The following CDK14 variants were observed in gnomAD, a reference collection of about 807,000 sequenced individuals.
CDK14 encodes cyclin dependent kinase 14, also known as cyclin-dependent kinase 14.
Under a neutral mutation model 60.7 loss-of-function variants are expected in CDK14, and 34 were observed. The ratio of observed to expected loss-of-function variants is 0.56; its 90% CI spans 0.43 to 0.75. The LOEUF is 0.75. Among genes scored for constraint, CDK14 ranks in the 30% least tolerant of loss-of-function variants. The probability of loss-of-function intolerance (pLI) is 0.00; values close to 1 mark genes in which losing one functional copy is unlikely to be tolerated. For synonymous variants in CDK14, 197 were observed against 203.7 expected (o/e 0.97, Z 0.28); for missense variants, 482 against 564.1 (o/e 0.85, Z 1.47).
At chr7:90,619,616 G>GT (rs879523333) in intron 2 of CDK14, among the ~76,000 whole-genome samples, 1 of 152,098 alleles carries the variant, frequency 6.6e-6, no homozygotes, top group Non-Finnish European at 1.5e-5. Context: ...ATTTCTGTTG[G>GT]TTTTTTAAAG....
intron 3 of CDK14, among the ~76,000 whole-genome samples, chr7:90,731,678 G>A: frequency 6.6e-6 from 1 of 152,232 alleles, no homozygotes; most frequent in East Asian, 1.9e-4. Flanking sequence ...TGTGATTTTT[G>A]CACATTGATT....
At chr7:90,894,706 G>T (rs1200551711) in intron 6 of CDK14, among the ~76,000 whole-genome samples, 1 of 152,176 alleles carries the variant, frequency 6.6e-6, no homozygotes, top group Non-Finnish European at 1.5e-5. Context: ...AGCTGTGTGA[G>T]TGTAGAGTTC....
intron 14 of CDK14, among the ~76,000 whole-genome samples, chr7:91,135,429 T>C (rs1034154936): frequency 6.6e-6 from 1 of 152,018 alleles, no homozygotes; most frequent in Admixed American, 6.6e-5. Flanking sequence ...GTGAAAGATA[T>C]TGAATTGGAA....
intron 8 of CDK14, among the ~76,000 whole-genome samples, chr7:90,929,994 T>C (rs567362672): frequency 1.3e-5 from 2 of 152,342 alleles, no homozygotes; most frequent in Admixed American, 6.5e-5. Flanking sequence ...ACATGTAAAA[T>C]GGCATATTGA....
intron 3 of CDK14, among the ~76,000 whole-genome samples, chr7:90,728,027 A>G (rs907830654): frequency 6.6e-6 from 1 of 152,118 alleles, no homozygotes; most frequent in South Asian, 2.1e-4. Context: ...CTTGATTAAT[A>G]ATCTGGCCAA....
At chr7:90,829,134 G>A (rs1032214298) in intron 5 of CDK14, among the ~76,000 whole-genome samples, 3 of 152,036 alleles carry the variant, frequency 2.0e-5, no homozygotes, top group African/African-American at 7.2e-5. Context: ...CAGCATGAGG[G>A]AAACTACCCC....
chr7:90,866,233 TAC>T (rs3038210), intron 6 of CDK14, among the ~76,000 whole-genome samples: 23,048 of 140,216 alleles, frequency 0.16, 1,990 homozygotes, highest in East Asian at 0.37. Context: ...CACATACACA[TAC>T]ACACACACAC....
At chr7:90,974,959 A>G (rs1038918989) in intron 9 of CDK14, among the ~76,000 whole-genome samples, 4 of 152,192 alleles carry the variant, frequency 2.6e-5, no homozygotes, top group Admixed American at 6.6e-5. Flanking sequence ...CATAACCCCT[A>G]TCAATCATTT....
At chr7:90,661,664 C>T (rs145013912) in intron 2 of CDK14, among the ~76,000 whole-genome samples, 2,575 of 152,204 alleles carry the variant, frequency 0.017, 26 homozygotes, top group Middle Eastern at 0.041. Context: ...TAGTTTTTAA[C>T]GGGTTTCTAA....
chr7:90,788,090 A>G (rs1311097020), intron 4 of CDK14, among the ~76,000 whole-genome samples: 1 of 152,216 alleles, frequency 6.6e-6, no homozygotes, highest in Non-Finnish European at 1.5e-5. Flanking sequence ...AACTCAGTTC[A>G]CAATACGTGA....
At chr7:91,173,286 A>G (rs1801587602) in intron 14 of CDK14, among the ~76,000 whole-genome samples, 1 of 152,192 alleles carries the variant, frequency 6.6e-6, no homozygotes, top group East Asian at 1.9e-4. Context: ...CCTCATTAAG[A>G]GGTACATTCC....
rs527689212 is a variant in CDK14 at position 90,885,439 on chromosome 7, C to T, written c.640-13852C>T. Among the ~76,000 whole-genome samples, 19 of 151,922 alleles carry T rather than the reference C, an allele frequency of 1.3e-4. No individual in the cohort carries two copies. In the South Asian group the frequency reaches 3.5e-3, roughly 28 times the overall value. ...AAAGTCGGGAAACAATAGATGGTGG[C>T]GAGGCTGTGCAATAGGAATGCTTTT... is the stretch of plus-strand genomic sequence containing the variant. On this transcript the variant is annotated intron_variant, in intron 6 of 14. Transcript: ENST00000380050.
At chr7:91,035,320 A>G (rs951418692) in intron 10 of CDK14, among the ~76,000 whole-genome samples, 6 of 152,210 alleles carry the variant, frequency 3.9e-5, no homozygotes, top group African/African-American at 1.4e-4. Flanking sequence ...TCTGAATGCA[A>G]AATGCAACCT....
intron 5 of CDK14, among the ~76,000 whole-genome samples, chr7:90,851,066 G>T (rs1355707192): frequency 6.6e-6 from 1 of 152,126 alleles, no homozygotes; most frequent in South Asian, 2.1e-4. Flanking sequence ...ATGGATGCAA[G>T]AAAACTAAGA....
At chr7:91,205,320 T>C (rs965158993) in intron 14 of CDK14, among the ~76,000 whole-genome samples, 3 of 152,170 alleles carry the variant, frequency 2.0e-5, no homozygotes, top group African/African-American at 4.8e-5. Context: ...ATAAACAAAC[T>C]GTGGTATATT....
chr7:90,814,563 G>A (rs6956073), intron 5 of CDK14, among the ~76,000 whole-genome samples: 12,648 of 151,928 alleles, frequency 0.083, 590 homozygotes, highest in South Asian at 0.11. Flanking sequence ...CAGGCAGATC[G>A]CTGAGGTCAG....
intron 14 of CDK14, among the ~76,000 whole-genome samples, chr7:91,159,772 C>T (rs541753998): frequency 9.2e-5 from 14 of 152,260 alleles, no homozygotes; most frequent in East Asian, 3.9e-4. Context: ...AGGTTACCAG[C>T]CCAGGACAGG....
At chr7:90,975,183 T>C (rs1795032782) in intron 9 of CDK14, among the ~76,000 whole-genome samples, 1 of 152,182 alleles carries the variant, frequency 6.6e-6, no homozygotes, top group Non-Finnish European at 1.5e-5. Context: ...GGAAAGTTCT[T>C]ACTCCTTCCC....
At chr7:90,703,863 A>T (rs1047019800) in intron 2 of CDK14, among the ~76,000 whole-genome samples, 5 of 152,198 alleles carry the variant, frequency 3.3e-5, no homozygotes, top group Non-Finnish European at 7.3e-5. Context: ...AGGAGGGTGG[A>T]TCACTTGAGC....
Sources: allele counts gnomAD v4.1 joint callset (sites outside exome capture counted in the v4.1 genomes callset), GRCh38; gene constraint gnomAD v4.1.1; transcripts MANE v1.5; gene names NCBI Gene and HGNC (gene_info 2026-07-23, HGNC 2026-07-21).